Variants in CREB5 observed in about 807,000 individuals in gnomAD.
CREB5 encodes cAMP responsive element binding protein 5, also known as cyclic AMP-responsive element-binding protein 5.
CREB5 carries 19 observed loss-of-function variants against 57.1 expected under a neutral mutation model. The ratio of observed to expected loss-of-function variants is 0.33; its 90% CI spans 0.23 to 0.49. The LOEUF (loss-of-function observed/expected upper bound fraction) is 0.49. Among genes scored for constraint, CREB5 ranks in the 20% least tolerant of loss-of-function variants. The pLI is 0.99. For missense variants in CREB5, 579 were observed against 671.6 expected (o/e 0.86, Z 1.52); for synonymous variants, 238 against 238.3 (o/e 1.00, Z 0.01).
At chr7:28,340,260 C>T (rs1407775102) in intron 1 of CREB5, among the ~76,000 whole-genome samples, 1 of 152,178 alleles carries the variant, frequency 6.6e-6, no homozygotes, top group Non-Finnish European at 1.5e-5. Context: ...CACCTAAAGC[C>T]AGCATGGCTC....
At chr7:28,335,309 G>T (rs1022708779) in intron 1 of CREB5, among the ~76,000 whole-genome samples, 2 of 151,726 alleles carry the variant, frequency 1.3e-5, no homozygotes, top group Non-Finnish European at 2.9e-5. Context: ...TAACAATATT[G>T]GTTCTTCCAA....
chr7:28,623,100 C>G (rs1797866091), intron 5 of CREB5, among the ~76,000 whole-genome samples: 1 of 152,060 alleles, frequency 6.6e-6, no homozygotes, highest in Non-Finnish European at 1.5e-5. Flanking sequence ...CCAGGCTGGT[C>G]TTGAACTCCT....
At chr7:28,785,644 G>A (rs1303832138) in intron 7 of CREB5, among the ~76,000 whole-genome samples, 2 of 152,182 alleles carry the variant, frequency 1.3e-5, no homozygotes, top group Non-Finnish European at 2.9e-5. Context: ...TCTTATACTA[G>A]AATGTTTACT....
chr7:28,523,778 T>A (rs928545812), intron 4 of CREB5, among the ~76,000 whole-genome samples: 2 of 152,240 alleles, frequency 1.3e-5, no homozygotes, highest in African/African-American at 4.8e-5. Context: ...TGAAAGCTCA[T>A]GTCAGCTGCC....
intron 5 of CREB5, among the ~76,000 whole-genome samples, chr7:28,685,448 T>G (rs972178344): frequency 2.6e-5 from 4 of 152,056 alleles, no homozygotes; most frequent in Non-Finnish European, 4.4e-5. Context: ...GGAGGGCTGG[T>G]GGTTGGCATT....
chr7:28,678,735 T>G (rs1477013317), intron 5 of CREB5, among the ~76,000 whole-genome samples: 1 of 152,244 alleles, frequency 6.6e-6, no homozygotes, highest in African/African-American at 2.4e-5. Context: ...GGGGCCCAGT[T>G]AATAAAAACA....
At chr7:28,522,562 A>AT (rs1402830487) in intron 4 of CREB5, among the ~76,000 whole-genome samples, 1 of 151,574 alleles carries the variant, frequency 6.6e-6, no homozygotes, top group East Asian at 2.0e-4. Context: ...TGCCCGGCTA[A>AT]TTTTTTTGTA....
At position 28,447,115 on chromosome 7, in the gene CREB5, T is replaced by A. The variant is rs73075817; in HGVS notation, c.3+34198T>A. 4.4e-3 allele frequency among the ~76,000 whole-genome samples: 664 copies of A among 152,294 alleles called. 6 individuals are homozygous for A. Among genetic ancestry groups the A allele is most frequent in the Non-Finnish European group, 6.6e-3 (449 of 68,026 alleles). ...TCCCCTCTAGAATTCTTGTGAGACC[T>A]AAATAAGATAACACACATAGCACAG... On this transcript the variant is annotated intron_variant, in intron 1 of 10. Transcript: ENST00000357727.
chr7:28,824,938 A>T lies in CREB5; in HGVS notation c.*5659A>T, dbSNP rs1292865292. ...TAGACCAACTTACAATATCTAGCTC[A>T]TTAGAAGCCAGGATCTAGAAAGCTC... On this transcript the variant is annotated 3_prime_UTR_variant, in exon 11 of 11. Coordinates refer to ENST00000357727, the MANE Select transcript of CREB5 (RefSeq NM_182898.4). The T allele has an allele frequency of 1.3e-5, 2 of 152,624 alleles. No individual in the cohort carries two copies. Among genetic ancestry groups the T allele is most frequent in the African/African-American group, 4.8e-5 (2 of 41,462 alleles). The allele number at this position is 152,624 out of a possible 1,614,324, so 9.5% of individuals were successfully genotyped here. A position where few individuals can be genotyped will look rare whatever the true frequency, so the allele number is the denominator to read the frequency against.
intron 4 of CREB5, among the ~76,000 whole-genome samples, chr7:28,549,204 G>T (rs1273989539): frequency 6.6e-6 from 1 of 152,184 alleles, no homozygotes; most frequent in Non-Finnish European, 1.5e-5. Flanking sequence ...TTGTGAAGAT[G>T]TGAAATAATC....
intron 7 of CREB5, among the ~76,000 whole-genome samples, chr7:28,737,572 TATATATATATATA>T (rs1562606736): frequency 7.3e-4 from 28 of 38,442 alleles, no homozygotes; most frequent in African/African-American, 2.0e-3. Context: ...TATATATATA[TATATATATATATA>T]TATTTTTAAC....
intron 1 of CREB5, among the ~76,000 whole-genome samples, chr7:28,308,511 A>C (rs1201640317): frequency 6.6e-6 from 1 of 152,230 alleles, no homozygotes; most frequent in African/African-American, 2.4e-5. Flanking sequence ...GAGATGCAAA[A>C]AGGTGAAGTA....
chr7:28,337,075 A>G (rs1212126435), intron 1 of CREB5, among the ~76,000 whole-genome samples: 1 of 152,098 alleles, frequency 6.6e-6, no homozygotes, highest in Non-Finnish European at 1.5e-5. Flanking sequence ...TATTATTTCA[A>G]TATTTTGAAC....
intron 3 of CREB5, among the ~76,000 whole-genome samples, chr7:28,497,612 T>C (rs1019477430): frequency 2.6e-5 from 4 of 152,228 alleles, no homozygotes; most frequent in African/African-American, 9.6e-5. Context: ...CTACTTTGCA[T>C]GTTCTTAGGT....
chr7:28,778,422 C>T (rs542222432), intron 7 of CREB5, among the ~76,000 whole-genome samples: 5 of 152,246 alleles, frequency 3.3e-5, no homozygotes, highest in African/African-American at 4.8e-5. Context: ...TTTTAAGATA[C>T]GGCTAGCAAT....
intron 5 of CREB5, among the ~76,000 whole-genome samples, chr7:28,645,114 G>A (rs902931268): frequency 2.6e-5 from 4 of 152,236 alleles, no homozygotes; most frequent in South Asian, 4.1e-4. Flanking sequence ...GCTAGGTTTC[G>A]GCCCAGCCTT....
rs910435762 is a variant in CREB5, at chr7:28,420,804, T to C, written c.3+7887T>C. Among the ~76,000 whole-genome samples the C allele has an allele frequency of 2.3e-3, 118 of 52,158 alleles. 1 individual carries two copies. The highest frequency in any genetic ancestry group is 1.3e-3 in the Admixed American group (5 of 3,762). 34.2% of individuals were successfully genotyped at this position (52,158 alleles called of 152,430 possible). ...GCCTGTGCTTTGCAGCAAGACTCCA[T>C]CTCAAAAAAAAAAAAAAAAAAAAAA... On this transcript the variant is annotated intron_variant, in intron 1 of 10. Transcript: ENST00000357727.
intron 5 of CREB5, among the ~76,000 whole-genome samples, chr7:28,692,909 G>T (rs1198036337): frequency 6.6e-6 from 1 of 152,128 alleles, no homozygotes; most frequent in South Asian, 2.1e-4. Context: ...TCCATAGTAC[G>T]CAAACACTTT....
chr7:28,440,730 T>TCA (rs983259347), intron 1 of CREB5, among the ~76,000 whole-genome samples: 31 of 152,210 alleles, frequency 2.0e-4, no homozygotes, highest in African/African-American at 7.2e-4. Flanking sequence ...AGATTGGAGT[T>TCA]CACACCATTT....
Sources: gnomAD v4.1 joint callset for allele counts (sites outside exome capture counted in the v4.1 genomes callset) on GRCh38, gnomAD v4.1.1 for gene constraint, MANE v1.5 for transcripts, NCBI Gene and HGNC (gene_info 2026-07-23, HGNC 2026-07-21) for gene names.